The following PLEKHA8 variants were observed in gnomAD, a reference collection of about 807,000 sequenced individuals.
PLEKHA8 encodes pleckstrin homology domain containing A8.
PLEKHA8 carries 36 observed loss-of-function variants against 68.2 expected under a neutral mutation model. The ratio of observed to expected loss-of-function variants is 0.53; its 90% CI spans 0.40 to 0.70. The LOEUF is 0.70. PLEKHA8 is among the 30% of genes least tolerant of loss of function. The pLI, the probability that PLEKHA8 is intolerant of heterozygous loss-of-function variation, is 0.00. For synonymous variants in PLEKHA8, 211 were observed against 216.1 expected, an observed-to-expected ratio of 0.98 and a Z score of 0.20; for missense variants, 505 against 615.4, an observed-to-expected ratio of 0.82 and a Z score of 1.90.
In PLEKHA8 at chr7:30,082,266, C is replaced by G. The variant is rs576185639; in HGVS notation, c.*3479C>G. ...TCCATAGTCCAGCGTTGTTGCTTTT[C>G]TCTCTTCTTTGCTACTGAAAATTGC... On this transcript the variant is annotated 3_prime_UTR_variant, in exon 14 of 14. Coordinates refer to ENST00000449726, the MANE Select transcript of PLEKHA8 (RefSeq NM_001197026.2). The G allele has an allele frequency of 1.0e-6, 1 of 985,476 alleles. No individual in the cohort carries two copies. The highest frequency in any genetic ancestry group is 1.7e-5 in the African/African-American group (1 of 57,352). The allele number at this position is 985,476 out of a possible 1,614,324, so 61.0% of individuals were successfully genotyped here.
At chr7:30,101,796 A>G (rs532854862) in intron 13 of PLEKHA8, among the ~76,000 whole-genome samples, 215 of 152,334 alleles carry the variant, frequency 1.4e-3, no homozygotes, top group Non-Finnish European at 2.4e-3. Context: ...TACCACATTC[A>G]TGGGTTAAAA....
intron 7 of PLEKHA8, among the ~76,000 whole-genome samples, chr7:30,054,308 C>A (rs1031128075): frequency 3.9e-5 from 6 of 152,032 alleles, no homozygotes; most frequent in African/African-American, 1.4e-4. Context: ...TTTGGGGTTA[C>A]AAAATAAATT....
intron 6 of PLEKHA8, 144 bp downstream of exon 6, chr7:30,050,618 T>C (rs1583809194): frequency 8.8e-7 from 1 of 1,140,214 alleles, no homozygotes; most frequent in Admixed American, 3.2e-5. Flanking sequence ...CTGACTTTCC[T>C]CTTTTGAGTG....
chr7:30,078,531 A>T, intron 13 of PLEKHA8, 59 bp from the exon 14 acceptor site: 1 of 1,575,158 alleles, frequency 6.3e-7, no homozygotes, highest in Non-Finnish European at 8.7e-7. Flanking sequence ...GCACATGCAT[A>T]AAAATAAGAG....
Position 30,100,486 on chromosome 7 carries a change from A to G in PLEKHA8, c.1362+26354A>G, listed in dbSNP as rs1795809853. Reference sequence around the variant, plus strand: ...AGAATCACTTGAACCTAGGAGGTGGAGGTTGCAGGGAGCAAGATCACACCA... The same window carrying G: ...AGAATCACTTGAACCTAGGAGGTGGGGGTTGCAGGGAGCAAGATCACACCA... On this transcript the variant is annotated intron_variant, in intron 13 of 13. Coordinates refer to the PLEKHA8 transcript ENST00000396257. 2.7e-5 allele frequency among the ~76,000 whole-genome samples: 4 copies of G among 148,430 alleles called. No homozygotes were observed. The South Asian group carries it at 8.5e-4, about 31-fold the overall frequency.
chr7:30,052,811 T>G lies in PLEKHA8; in HGVS notation c.741T>G (p.Ser247=). 6.4e-7 allele frequency: 1 copy of G among 1,574,152 alleles called. No individual in the cohort carries two copies. Among genetic ancestry groups the G allele is most frequent in the Non-Finnish European group, 8.6e-7 (1 of 1,168,450 alleles). The change falls in exon 7 of 14, where the codon TCT becomes TCG. Residue 247 remains serine, a synonymous_variant. Transcript: ENST00000449726. ...ATAAGAATTCCTTATATTTGAAATCTGCAGAGATAGACTGCAGCATATCAA... is the reference window on the plus strand; with the variant it reads ...ATAAGAATTCCTTATATTTGAAATCGGCAGAGATAGACTGCAGCATATCAA... ...MKNKNSLYLK[S]AEIDCSISSE... is the part of the protein sequence containing the mutation.
chr7:30,120,643 A>G (rs1211052458), intron 13 of PLEKHA8, among the ~76,000 whole-genome samples: 2 of 152,214 alleles, frequency 1.3e-5, no homozygotes, highest in African/African-American at 2.4e-5. Context: ...ATTGGAAAAA[A>G]CACAACTAAG....
At chr7:30,050,393 A>G in intron 5 of PLEKHA8, 41 bp from the exon 6 acceptor site, 1 of 1,546,726 alleles carries the variant, frequency 6.5e-7, no homozygotes. Context: ...CTCTGTTCAA[A>G]GTTTAACATG....
intron 13 of PLEKHA8, among the ~76,000 whole-genome samples, chr7:30,076,550 A>G (rs1165331233): frequency 6.6e-6 from 1 of 152,174 alleles, no homozygotes. Context: ...TAATCCTGAG[A>G]TAGATTCCAT....
Position 30,028,822 on chromosome 7 carries a change from C to A in PLEKHA8, c.40+20C>A. 7.9e-7 allele frequency: 1 copy of A among 1,259,900 alleles called. No homozygotes were observed. The highest frequency in any genetic ancestry group is 1.0e-6 in the Non-Finnish European group (1 of 996,892). 78.0% of individuals were successfully genotyped at this position (1,259,900 alleles called of 1,614,324 possible). Reference sequence around the variant, plus strand: ...TGAGCGGTGAGTGGCCGTGCCGGGCCGGGGGCGCGCCGGGGGCCGGTCCTT... The same window carrying A: ...TGAGCGGTGAGTGGCCGTGCCGGGCAGGGGGCGCGCCGGGGGCCGGTCCTT... On this transcript the variant is annotated intron_variant, in intron 1 of 13. Coordinates refer to ENST00000449726, the MANE Select transcript of PLEKHA8 (RefSeq NM_001197026.2).
At position 30,081,801 on chromosome 7, in the gene PLEKHA8, A is replaced by C; in HGVS notation, c.*3014A>C. 1.0e-6 allele frequency: 1 copy of C among 985,336 alleles called. No individual in the cohort carries two copies. The highest frequency in any genetic ancestry group is 1.2e-6 in the Non-Finnish European group (1 of 829,856). The allele number at this position is 985,336 out of a possible 1,614,324, so 61.0% of individuals were successfully genotyped here. On this transcript the variant is annotated 3_prime_UTR_variant, in exon 14 of 14. Coordinates refer to ENST00000449726, the MANE Select transcript of PLEKHA8 (RefSeq NM_001197026.2). ...ACCCCTTATGAGACATTTCCACACA[A>C]TTTCATCGTGCCTGTACTTTTCTCT...
intron 1 of PLEKHA8, among the ~76,000 whole-genome samples, chr7:30,035,820 G>A (rs1159083261): frequency 6.6e-6 from 1 of 150,482 alleles, no homozygotes; most frequent in Non-Finnish European, 1.5e-5. Context: ...ATTTTTTTTT[G>A]TATTTTTAGT....
chr7:30,119,627 C>A (rs1219484029), intron 13 of PLEKHA8, among the ~76,000 whole-genome samples: 1 of 152,224 alleles, frequency 6.6e-6, no homozygotes, highest in African/African-American at 2.4e-5. Flanking sequence ...CCAAACACCT[C>A]TGGGAAGTGG....
At chr7:30,095,443 A>T (rs918077734), downstream of PLEKHA8, among the ~76,000 whole-genome samples, 1 of 152,174 alleles carries the variant, frequency 6.6e-6, no homozygotes, top group African/African-American at 2.4e-5. Flanking sequence ...TCAGATGAGT[A>T]GGTTGCAAAA....
chr7:30,073,987 T>TAA, intron 12 of PLEKHA8, 84 bp from the exon 13 acceptor site: 11 of 1,178,028 alleles, frequency 9.3e-6, no homozygotes, highest in East Asian at 5.2e-5. Context: ...CCCTGTCTCT[T>TAA]TAAAAAAAAA....
chr7:30,102,248 A>T lies in PLEKHA8; in HGVS notation c.1363-27018A>T, dbSNP rs1562550523. On this transcript the variant is annotated intron_variant, in intron 13 of 13. Transcript: ENST00000396257. Reference sequence around the variant, plus strand: ...GAGATACCATTTCATACCTACCAGCATGGCTATAATAGTAATTTTTAAAAT... The same window carrying T: ...GAGATACCATTTCATACCTACCAGCTTGGCTATAATAGTAATTTTTAAAAT... Among the ~76,000 whole-genome samples the T allele has an allele frequency of 2.0e-5, 3 of 152,254 alleles. No homozygotes were observed. The South Asian group carries it at 6.2e-4, about 31-fold the overall frequency.
At chr7:30,063,991 A>T (rs1293920143) in intron 12 of PLEKHA8, among the ~76,000 whole-genome samples, 1 of 152,154 alleles carries the variant, frequency 6.6e-6, no homozygotes, top group East Asian at 1.9e-4. Flanking sequence ...GATTTCAAGT[A>T]CTAAAAGTAT....
chr7:30,064,030 C>T (rs1167785510), intron 12 of PLEKHA8, among the ~76,000 whole-genome samples: 2 of 152,236 alleles, frequency 1.3e-5, no homozygotes, highest in South Asian at 2.1e-4. Flanking sequence ...TGCCCCCTAG[C>T]CAGTATCTGT....
intron 13 of PLEKHA8, among the ~76,000 whole-genome samples, chr7:30,096,436 G>A (rs1362509981): frequency 6.6e-6 from 1 of 152,044 alleles, no homozygotes; most frequent in East Asian, 1.9e-4. Context: ...TGAGACGATG[G>A]GGTTTTCTAG....
Sources: gnomAD v4.1 joint callset for allele counts (sites outside exome capture counted in the v4.1 genomes callset) on GRCh38, gnomAD v4.1.1 for gene constraint, MANE v1.5 for transcripts, NCBI Gene and HGNC (gene_info 2026-07-23, HGNC 2026-07-21) for gene names.